Variants in MYO18B observed in about 807,000 individuals in gnomAD.
MYO18B encodes the protein myosin XVIIIB.
In MYO18B, 204 loss-of-function variants were observed where a neutral mutation model predicts 273.0. The ratio of observed to expected loss-of-function variants is 0.75; its 90% CI spans 0.67 to 0.84. The LOEUF is 0.84. Ranked by LOEUF, MYO18B falls within the 40% of genes least tolerant of loss-of-function variation. The pLI is 0.00. For missense variants in MYO18B, 3,212 were observed against 3,287.6 expected (o/e 0.98, Z 0.56); for synonymous variants, 1,330 against 1,305.7 (o/e 1.02, Z -0.40).
chr22:25,769,506 C>T, intron 4 of MYO18B, 78 bp downstream of exon 4: 3 of 1,328,220 alleles, frequency 2.3e-6, no homozygotes, highest in Non-Finnish European at 3.0e-6. Context: ...AAGATCTGCC[C>T]CAGGGATGGA....
intron 11 of MYO18B, among the ~76,000 whole-genome samples, chr22:25,796,511 G>A (rs764640336): frequency 1.3e-5 from 2 of 151,496 alleles, no homozygotes; most frequent in Admixed American, 6.6e-5. Flanking sequence ...TGGAAGGATC[G>A]TTTGAGCCCA....
intron 3 of MYO18B, among the ~76,000 whole-genome samples, chr22:25,765,918 C>G (rs1189774463): frequency 6.6e-6 from 1 of 152,132 alleles, no homozygotes; most frequent in Non-Finnish European, 1.5e-5. Context: ...CAGTCAATCC[C>G]CCTTCCAAGG....
Position 25,902,701 on chromosome 22 carries a change from C to T in MYO18B, c.4912C>T (p.Arg1638Trp), listed in dbSNP as rs200771643. 2.5e-5 allele frequency: 40 copies of T among 1,591,576 alleles called. No homozygotes were observed. The highest frequency in any genetic ancestry group is 1.7e-4 in the Middle Eastern group (1 of 6,056). ...AGTGACCCAGGAGAACACCAGTGTC[C>T]GGTGGGAGCTAGGCCAGCTTCAGCA... Reference protein sequence around the residue: ...EKVTQENTSVRWELGQLQQQL... With the variant: ...EKVTQENTSVWWELGQLQQQL... Residue 1638 changes from arginine (R) to tryptophan (W), a missense_variant, in exon 30 of 44, where the codon CGG (arginine) becomes TGG (tryptophan). Coordinates refer to ENST00000335473, the MANE Select transcript of MYO18B (RefSeq NM_032608.7).
At chr22:26,009,355 T>G (rs1019824032) in intron 42 of MYO18B, among the ~76,000 whole-genome samples, 2 of 152,176 alleles carry the variant, frequency 1.3e-5, no homozygotes, top group African/African-American at 4.8e-5. Flanking sequence ...CTTTCCTTGT[T>G]TCAGTTCTTC....
intron 34 of MYO18B, among the ~76,000 whole-genome samples, chr22:25,925,135 A>C (rs1183533586): frequency 6.6e-6 from 1 of 152,128 alleles, no homozygotes; most frequent in Non-Finnish European, 1.5e-5. Flanking sequence ...TATGTACCAG[A>C]CTTTTCCTTA....
chr22:26,019,318 G>A (rs1194756339), intron 42 of MYO18B, among the ~76,000 whole-genome samples: 1 of 152,178 alleles, frequency 6.6e-6, no homozygotes, highest in Non-Finnish European at 1.5e-5. Context: ...TGGGCCTGGG[G>A]TAGGACTCCT....
intron 7 of MYO18B, among the ~76,000 whole-genome samples, chr22:25,775,564 C>T (rs1268027684): frequency 3.3e-5 from 5 of 152,178 alleles, no homozygotes; most frequent in Non-Finnish European, 7.3e-5. Context: ...TCTTCCCTCG[C>T]TGCCAAATCC....
intron 12 of MYO18B, among the ~76,000 whole-genome samples, chr22:25,815,986 C>T (rs2088985890): frequency 6.6e-6 from 1 of 152,152 alleles, no homozygotes; most frequent in African/African-American, 2.4e-5. Context: ...ATCGGCCAGG[C>T]CTTTGGACAA....
chr22:26,061,257 C>T, the MYO18B span, among the ~76,000 whole-genome samples: 4 of 152,154 alleles, frequency 2.6e-5, no homozygotes, highest in Non-Finnish European at 4.4e-5. Flanking sequence ...CCTGTATAAC[C>T]AGTTTCTTTT....
At chr22:25,890,628 G>A in intron 25 of MYO18B, 128 bp from the exon 26 acceptor site, 5 of 1,349,032 alleles carry the variant, frequency 3.7e-6, no homozygotes, top group Admixed American at 4.7e-5. Flanking sequence ...CTCTTAACGA[G>A]TTGATTATAC....
intron 8 of MYO18B, 37 bp from the exon 9 acceptor site, chr22:25,780,019 C>T (rs1003609232): frequency 1.4e-5 from 22 of 1,533,848 alleles, no homozygotes; most frequent in Non-Finnish European, 1.9e-5. Flanking sequence ...AGCACCTGGG[C>T]CATCAGTGAC....
chr22:25,835,467 T>G, intron 17 of MYO18B, 24 bp downstream of exon 17: 4 of 1,613,050 alleles, frequency 2.5e-6, no homozygotes, highest in Non-Finnish European at 3.4e-6. Flanking sequence ...GGGCTGGGGA[T>G]GGGGCCTGAG....
intron 20 of MYO18B, among the ~76,000 whole-genome samples, chr22:25,849,765 G>T (rs2090368346): frequency 6.6e-6 from 1 of 152,166 alleles, no homozygotes; most frequent in African/African-American, 2.4e-5. Flanking sequence ...TCCTATAATA[G>T]CTCATATCGC....
intron 22 of MYO18B, among the ~76,000 whole-genome samples, chr22:25,870,597 A>G (rs1037972273): frequency 2.0e-5 from 3 of 152,200 alleles, no homozygotes; most frequent in Admixed American, 1.3e-4. Flanking sequence ...TTCTTTACAG[A>G]TGGATCTTTA....
At chr22:25,977,672 A>G (rs2093106249) in intron 39 of MYO18B, among the ~76,000 whole-genome samples, 2 of 152,194 alleles carry the variant, frequency 1.3e-5, no homozygotes, top group South Asian at 2.1e-4. Context: ...GTGAGAAAGC[A>G]TCAAAACAGA....
At chr22:25,768,049 G>A (rs1211939752) in intron 3 of MYO18B, 66 bp from the exon 4 acceptor site, 9 of 1,335,574 alleles carry the variant, frequency 6.7e-6, no homozygotes, top group Admixed American at 4.4e-5. Context: ...GAACGAACAC[G>A]AGTGAATGAC....
intron 17 of MYO18B, among the ~76,000 whole-genome samples, chr22:25,837,645 T>C (rs768686677): frequency 7.2e-5 from 11 of 152,214 alleles, no homozygotes; most frequent in Admixed American, 2.0e-4. Flanking sequence ...TCCGAGACAT[T>C]CATGGTAGAT....
intron 12 of MYO18B, among the ~76,000 whole-genome samples, chr22:25,808,389 G>C (rs1443474039): frequency 6.6e-6 from 1 of 152,120 alleles, no homozygotes; most frequent in Non-Finnish European, 1.5e-5. Flanking sequence ...CCATTTTTGT[G>C]GTCCAAGATG....
At chr22:25,875,118 A>G (rs1244990747) in intron 23 of MYO18B, among the ~76,000 whole-genome samples, 2 of 152,224 alleles carry the variant, frequency 1.3e-5, no homozygotes, top group Non-Finnish European at 2.9e-5. Context: ...AAAAATGATG[A>G]GACCGTGAAT....
Sources: allele counts gnomAD v4.1 joint callset (sites outside exome capture counted in the v4.1 genomes callset), GRCh38; gene constraint gnomAD v4.1.1; transcripts MANE v1.5; gene names NCBI Gene and HGNC (gene_info 2026-07-23, HGNC 2026-07-21).